ADAMTS13: variants seen among roughly 807,000 people sequenced by gnomAD.
The protein encoded by ADAMTS13 is ADAM metallopeptidase with thrombospondin type 1 motif 13.
In ADAMTS13, 110 loss-of-function variants were observed where a neutral mutation model predicts 155.1. That is an observed-to-expected ratio of 0.71 (90% CI 0.61 to 0.83). The LOEUF is 0.83. Among genes scored for constraint, ADAMTS13 ranks in the 40% least tolerant of loss-of-function variants. ADAMTS13 has a pLI of 0.00. For missense variants in ADAMTS13, 1,707 were observed against 1,891.7 expected (o/e 0.90, Z 1.81); for synonymous variants, 758 against 756.4 (o/e 1.00, Z -0.03).
intron 23 of ADAMTS13, among the ~76,000 whole-genome samples, chr9:133,450,531 C>G: frequency 6.7e-6 from 1 of 149,008 alleles, no homozygotes; most frequent in East Asian, 2.0e-4. Context: ...CGCCACTGGA[C>G]TCCAGCCTGG....
rs1388054894 is a variant in ADAMTS13, at chr9:133,435,192, T to C, written c.1308+1488T>C. Among the ~76,000 whole-genome samples, 178 of 143,180 alleles carry C rather than the reference T, an allele frequency of 1.2e-3. 1 individual carries two copies. Among genetic ancestry groups the C allele is most frequent in the African/African-American group, 4.5e-3 (177 of 39,390 alleles). 93.9% of individuals were successfully genotyped at this position (143,180 alleles called of 152,430 possible). A position where few individuals can be genotyped will look rare whatever the true frequency, so the allele number is the denominator to read the frequency against. On this transcript the variant is annotated intron_variant, in intron 11 of 28. Coordinates refer to ENST00000355699, the MANE Select transcript of ADAMTS13 (RefSeq NM_139027.6). ...ATTGTATGTTTGACTTTTTTTTTTC[T>C]TTTTTTTTTTTTTGAGACAGAGTCT...
Position 133,441,043 on chromosome 9 carries a change from C to G in ADAMTS13, c.1968+518C>G, listed in dbSNP as rs983283214. On this transcript the variant is annotated intron_variant, in intron 16 of 28. Coordinates refer to ENST00000355699, the MANE Select transcript of ADAMTS13 (RefSeq NM_139027.6). This position sits in a 1 kb window ranked among gnomAD's most constrained non-coding sequence, Gnocchi z 5.0. ...TGAGAACAGATGCTGGCTCTCACTG[C>G]TTCTTTGGTGCAGTGTGTGTGGGAA... Among the ~76,000 whole-genome samples, 1 of 152,154 alleles carries G rather than the reference C, an allele frequency of 6.6e-6. No individual in the cohort carries two copies. The highest frequency in any genetic ancestry group is 1.9e-4 in the East Asian group (1 of 5,186).
At chr9:133,431,495 T>G (rs782303539) in intron 8 of ADAMTS13, among the ~76,000 whole-genome samples, 1 of 151,244 alleles carries the variant, frequency 6.6e-6, no homozygotes. Flanking sequence ...CCCAGCTAAG[T>G]TTTGTATTTT....
At chr9:133,457,065 C>T in intron 27 of ADAMTS13, 1 of 415,794 alleles carries the variant, frequency 2.4e-6, no homozygotes, top group Non-Finnish European at 4.6e-6. Flanking sequence ...GTGGAAGCCA[C>T]TGTCCCTCAG....
chr9:133,417,974 A>T (rs1839779921), upstream of ADAMTS13: 1 of 842,268 alleles, frequency 1.2e-6, no homozygotes, highest in South Asian at 1.8e-5. Context: ...CCCGTCCAGG[A>T]AAAGACTCCG....
chr9:133,429,576 A>G, intron 7 of ADAMTS13: 1 of 94,566 alleles, frequency 1.1e-5, no homozygotes, highest in South Asian at 1.1e-4. Context: ...CCCTCCGTCC[A>G]CTCTCCACGC....
intron 6 of ADAMTS13, among the ~76,000 whole-genome samples, 159 bp downstream of exon 6, chr9:133,426,504 T>C (rs1554785347): frequency 6.6e-6 from 1 of 152,202 alleles, no homozygotes; most frequent in African/African-American, 2.4e-5. Flanking sequence ...CAGGGGAACC[T>C]GATACTGTTT....
intron 21 of ADAMTS13, among the ~76,000 whole-genome samples, chr9:133,447,480 C>T (rs113801620): frequency 6.6e-6 from 1 of 152,094 alleles, no homozygotes; most frequent in African/African-American, 2.4e-5. Flanking sequence ...CCTATGTTGC[C>T]CAGCCTGATC....
chr9:133,457,131 C>T, intron 27 of ADAMTS13: 1 of 305,482 alleles, frequency 3.3e-6, no homozygotes, highest in South Asian at 2.8e-5. Flanking sequence ...TGTGCACCCA[C>T]AAGCACACCT....
In ADAMTS13 at chr9:133,445,590, A is replaced by G; in HGVS notation, c.2611-109A>G. ...GAGGAGGGGAGGGAGCCCCTGGTGC[A>G]CACACGCCACTTCCTGGTCTCTCTG... On this transcript the variant is annotated intron_variant, in intron 20 of 28. Transcript: ENST00000355699. This position sits in a 1 kb window ranked among gnomAD's most constrained non-coding sequence, Gnocchi z 5.0. 2 of 1,566,428 alleles carry G rather than the reference A, an allele frequency of 1.3e-6. No homozygotes were observed. The highest frequency in any genetic ancestry group is 1.1e-5 in the South Asian group (1 of 88,006).
At chr9:133,416,844 ACGCATGGCATAGAG>A (rs1188379883) in intron 1 of ADAMTS13, among the ~76,000 whole-genome samples, 1 of 152,236 alleles carries the variant, frequency 6.6e-6, no homozygotes, top group Non-Finnish European at 1.5e-5. Flanking sequence ...GGATTGCAAC[ACGCATGGCATAGAG>A]CACATGGCAG....
chr9:133,453,850 C>T (rs587705371), intron 23 of ADAMTS13, among the ~76,000 whole-genome samples: 4 of 152,144 alleles, frequency 2.6e-5, no homozygotes, highest in South Asian at 2.1e-4. Context: ...AGTGCCAAGC[C>T]GCGGAAGGCA....
At position 133,426,080 on chromosome 9, in the gene ADAMTS13, TG is replaced by T; in HGVS notation, c.539+21del. On this transcript the variant is annotated intron_variant, in intron 5 of 28. Coordinates refer to ENST00000355699, the MANE Select transcript of ADAMTS13 (RefSeq NM_139027.6). ...ATCACTAGGTAGCCGAGCTTTCTGA[TG>T]GGTGCTGGCCAGCCAGCCTGGGAAG... 6.2e-7 allele frequency: 1 copy of T among 1,614,004 alleles called. No homozygotes were observed. The highest frequency in any genetic ancestry group is 8.5e-7 in the Non-Finnish European group (1 of 1,180,032).
At chr9:133,418,798 C>T (rs916686469), upstream of ADAMTS13, among the ~76,000 whole-genome samples, 19 of 152,210 alleles carry the variant, frequency 1.2e-4, no homozygotes, top group African/African-American at 2.2e-4. Flanking sequence ...GATCTTTAAC[C>T]AGGCCCAGGG....
In ADAMTS13 at chr9:133,422,447, C is replaced by T. The variant is rs782013900; in HGVS notation, c.4C>T (p.His2Tyr). 25 of 1,613,400 alleles carry T rather than the reference C, an allele frequency of 1.5e-5. No individual in the cohort carries two copies. The highest frequency in any genetic ancestry group is 2.1e-5 in the Non-Finnish European group (25 of 1,179,978). Residue 2 changes from histidine to tyrosine, a missense_variant, in exon 1 of 29, where the codon CAC becomes TAC. Coordinates refer to ENST00000355699, the MANE Select transcript of ADAMTS13 (RefSeq NM_139027.6). ...CCTCGGGCTGGCTCTCCTGAGGATG[C>T]ACCAGCGTCACCCCCGGGCAAGATG... MHQRHPRARCPP... is the reference protein window; with the variant it reads MYQRHPRARCPP...
Position 133,428,660 on chromosome 9 carries a change from C to A in ADAMTS13, c.713C>A (p.Pro238His). 1 of 1,355,986 alleles carries A rather than the reference C, an allele frequency of 7.4e-7. No homozygotes were observed. Among genetic ancestry groups the A allele is most frequent in the South Asian group, 1.7e-5 (1 of 58,926 alleles). 84.0% of individuals were successfully genotyped at this position (1,355,986 alleles called of 1,614,324 possible). ...HSFGLEHDGA[P>H]GSGCGPSGHV... is the part of the protein sequence containing the mutation. ...TTCGGCCTGGAGCACGACGGCGCGC[C>A]CGGCAGCGGCTGCGGCCCCAGCGGA... Residue 238 changes from proline to histidine, a missense_variant, in exon 7 of 29, where the codon CCC (proline) becomes CAC (histidine). Coordinates refer to ENST00000355699, the MANE Select transcript of ADAMTS13 (RefSeq NM_139027.6).
intron 19 of ADAMTS13, among the ~76,000 whole-genome samples, chr9:133,444,473 A>AT (rs1336081625): frequency 1.3e-5 from 2 of 152,026 alleles, no homozygotes; most frequent in African/African-American, 4.8e-5. Flanking sequence ...AGCCCAACTA[A>AT]TTTTTGTATT....
intron 14 of ADAMTS13, 118 bp downstream of exon 14, chr9:133,438,484 T>C: frequency 1.4e-6 from 2 of 1,469,644 alleles, no homozygotes; most frequent in Non-Finnish European, 1.8e-6. Flanking sequence ...CACTCAGCCC[T>C]GGATGCCTCC....
chr9:133,455,915 C>T, intron 25 of ADAMTS13, 154 bp from the exon 26 acceptor site: 5 of 990,466 alleles, frequency 5.0e-6, no homozygotes, highest in Non-Finnish European at 7.7e-6. Flanking sequence ...ACCTATGCAG[C>T]CCCCCTCCCT....
Sources: allele counts gnomAD v4.1 joint callset (sites outside exome capture counted in the v4.1 genomes callset), GRCh38; gene constraint gnomAD v4.1.1; non-coding constraint Gnocchi (gnomAD v3.1); transcripts MANE v1.5; gene names NCBI Gene and HGNC (gene_info 2026-07-23, HGNC 2026-07-21).